Variants in GUCA1C observed in about 807,000 individuals in gnomAD.
GUCA1C encodes the protein guanylyl cyclase-activating protein 3.
A neutral mutation model predicts 16.2 loss-of-function variants in GUCA1C; 15 were observed. The observed-to-expected ratio is 0.93, with a 90% CI of 0.62 to 1.43. The LOEUF (loss-of-function observed/expected upper bound fraction) is 1.43, where lower values mean the gene tolerates loss of function less well. GUCA1C is among the 40% of genes most tolerant of loss of function. The pLI is 0.00. For missense variants in GUCA1C, 275 were observed against 244.8 expected (o/e 1.12, Z -0.82); for synonymous variants, 78 against 85.4 (o/e 0.91, Z 0.48).
chr3:108,918,542 C>A (rs1444742809), intron 2 of GUCA1C, among the ~76,000 whole-genome samples: 1 of 152,206 alleles, frequency 6.6e-6, no homozygotes, highest in African/African-American at 2.4e-5. Context: ...GGTTTCCTAA[C>A]ATCCCCATGT....
At chr3:108,927,072 C>T (rs554696209) in intron 1 of GUCA1C, among the ~76,000 whole-genome samples, 3 of 152,124 alleles carry the variant, frequency 2.0e-5, no homozygotes, top group African/African-American at 7.2e-5. Context: ...TCCCTTCTAG[C>T]TTGTAGGGTT....
chr3:108,939,135 GATAAA>G (rs1455325236), intron 1 of GUCA1C, among the ~76,000 whole-genome samples: 1 of 151,986 alleles, frequency 6.6e-6, no homozygotes, highest in Non-Finnish European at 1.5e-5. Context: ...TATTGCAACA[GATAAA>G]ATAAAACCCA....
chr3:108,953,282 A>C (rs745987107), intron 1 of GUCA1C, among the ~76,000 whole-genome samples: 30 of 152,238 alleles, frequency 2.0e-4, no homozygotes, highest in Non-Finnish European at 3.2e-4. Context: ...TGATAGCATT[A>C]GAATTCCATG....
chr3:108,925,734 G>A (rs929076955), intron 1 of GUCA1C, among the ~76,000 whole-genome samples: 3 of 152,184 alleles, frequency 2.0e-5, no homozygotes, highest in Non-Finnish European at 2.9e-5. Flanking sequence ...AAAGTCCTCC[G>A]CTATTATTGT....
chr3:108,941,530 A>G (rs751366475), intron 1 of GUCA1C, among the ~76,000 whole-genome samples: 1 of 152,054 alleles, frequency 6.6e-6, no homozygotes, highest in Non-Finnish European at 1.5e-5. Context: ...CCTCCATTTC[A>G]TTCCCCTGCC....
chr3:108,922,159 A>AC (rs1491129273), intron 1 of GUCA1C, among the ~76,000 whole-genome samples: 43 of 12,426 alleles, frequency 3.5e-3, no homozygotes, highest in Middle Eastern at 0.045. Flanking sequence ...ACACATACAC[A>AC]AACACACACA....
intron 1 of GUCA1C, among the ~76,000 whole-genome samples, chr3:108,932,921 T>A (rs1038246947): frequency 6.3e-3 from 187 of 29,630 alleles, no homozygotes; most frequent in Non-Finnish European, 9.1e-3. Context: ...AAAAAAAAAA[T>A]CTCAAAAAAA....
At chr3:108,945,895 C>T (rs1332733688) in intron 1 of GUCA1C, among the ~76,000 whole-genome samples, 2 of 152,046 alleles carry the variant, frequency 1.3e-5, no homozygotes, top group African/African-American at 2.4e-5. Flanking sequence ...TATGCTGGAG[C>T]GTATTTCATC....
chr3:108,954,594 T>C (rs1946930446), upstream of GUCA1C, among the ~76,000 whole-genome samples: 1 of 152,172 alleles, frequency 6.6e-6, no homozygotes. Flanking sequence ...ACAGGGTCAA[T>C]GGACCTAAGA....
intron 1 of GUCA1C, among the ~76,000 whole-genome samples, chr3:108,926,593 G>A (rs944775172): frequency 3.3e-5 from 5 of 152,128 alleles, no homozygotes; most frequent in Admixed American, 1.3e-4. Flanking sequence ...CCATTCTCCT[G>A]CCTCGGCCTC....
At chr3:108,949,594 A>T (rs1298440828) in intron 1 of GUCA1C, among the ~76,000 whole-genome samples, 1 of 152,166 alleles carries the variant, frequency 6.6e-6, no homozygotes, top group African/African-American at 2.4e-5. Context: ...GGTCAATTAC[A>T]TTCCCCAAAG....
rs1439783424 is a variant in GUCA1C, at chr3:108,953,562, G to A, written c.201C>T (p.Asn67=). 5 of 1,575,420 alleles carry A rather than the reference G, an allele frequency of 3.2e-6. No homozygotes were observed. The highest frequency in any genetic ancestry group is 3.5e-6 in the Non-Finnish European group (4 of 1,145,328). Reference sequence around the variant, plus strand: ...AATGAAAAATGAAAGATCTTACCTTGTTCGTGTCAAAGGTATTATAAACTT... The same window carrying A: ...AATGAAAAATGAAAGATCTTACCTTATTCGTGTCAAAGGTATTATAAACTT... ...IDQVYNTFDT[N]KDGFVDFLEF... is the part of the protein sequence containing the mutation. The change falls in exon 1 of 4, where the codon AAC becomes AAT. Residue 67 remains asparagine, a synonymous_variant. Coordinates refer to ENST00000261047, the MANE Select transcript of GUCA1C (RefSeq NM_005459.4).
Position 108,908,163 on chromosome 3 carries a change from CT to C in GUCA1C, c.488del (p.Gln163ArgfsTer17). On this transcript the variant is annotated frameshift_variant, in exon 4 of 4. Coordinates refer to ENST00000261047, the MANE Select transcript of GUCA1C (RefSeq NM_005459.4). LOFTEE classifies it low-confidence loss of function (END_TRUNC). ...TCTTGTAAACAATCTCCAGGAGATC[CT>C]GATCTTTTGCCATGCCATTGATAAA... Reference protein sequence around the residue: ...EEFINGMAKDQDLLEIVYKSF... With the variant: ...EEFINGMAKDXDLLEIVYKSF... The C allele has an allele frequency of 6.2e-7, 1 of 1,613,838 alleles. No individual in the cohort carries two copies. Among genetic ancestry groups the C allele is most frequent in the Non-Finnish European group, 8.5e-7 (1 of 1,179,776 alleles).
At chr3:108,911,844 G>A (rs1946457423) in intron 3 of GUCA1C, among the ~76,000 whole-genome samples, 1 of 152,084 alleles carries the variant, frequency 6.6e-6, no homozygotes, top group Admixed American at 6.6e-5. Context: ...GGTGGCTCAT[G>A]CCTGTAATCC....
intron 1 of GUCA1C, among the ~76,000 whole-genome samples, chr3:108,936,964 T>C (rs561508245): frequency 4.7e-4 from 72 of 152,228 alleles, no homozygotes; most frequent in Non-Finnish European, 9.6e-4. Flanking sequence ...TTCATGAACA[T>C]TTCTTGTGTC....
intron 1 of GUCA1C, among the ~76,000 whole-genome samples, chr3:108,947,614 G>C (rs1462302490): frequency 6.6e-6 from 1 of 152,062 alleles, no homozygotes; most frequent in Non-Finnish European, 1.5e-5. Context: ...GTCCTTATTG[G>C]TATAGATGAA....
chr3:108,913,362 T>C (rs1352308203), intron 3 of GUCA1C, among the ~76,000 whole-genome samples: 1 of 152,110 alleles, frequency 6.6e-6, no homozygotes, highest in African/African-American at 2.4e-5. Flanking sequence ...ATTTGAGGTA[T>C]ACAGAGTTTA....
At chr3:108,954,287 G>GA (rs1344372170), upstream of GUCA1C, among the ~76,000 whole-genome samples, 12 of 152,002 alleles carry the variant, frequency 7.9e-5, no homozygotes, top group East Asian at 5.8e-4. Context: ...CATTTTACAT[G>GA]AAAAAATCAT....
intron 1 of GUCA1C, among the ~76,000 whole-genome samples, chr3:108,925,914 C>A (rs1032397296): frequency 4.6e-5 from 7 of 152,118 alleles, no homozygotes; most frequent in Non-Finnish European, 5.9e-5. Flanking sequence ...TGGTGAAACC[C>A]TGTCTCTACT....
Sources: allele counts gnomAD v4.1 joint callset (sites outside exome capture counted in the v4.1 genomes callset), GRCh38; gene constraint gnomAD v4.1.1; transcripts MANE v1.5; gene names NCBI Gene and HGNC (gene_info 2026-07-23, HGNC 2026-07-21).